ROBO2: variants seen among roughly 807,000 people sequenced by gnomAD.
The protein encoded by ROBO2 is roundabout homolog 2.
A neutral mutation model predicts 160.8 loss-of-function variants in ROBO2; 53 were observed. The observed-to-expected ratio is 0.33, with a 90% CI of 0.26 to 0.41. The LOEUF (loss-of-function observed/expected upper bound fraction) is 0.41, where lower values mean the gene tolerates loss of function less well. Ranked by LOEUF, ROBO2 falls within the 10% of genes least tolerant of loss-of-function variation. The pLI, the probability that ROBO2 is intolerant of heterozygous loss-of-function variation, is 1.00. For synonymous variants in ROBO2, 664 were observed against 611.7 expected (o/e 1.09, Z -1.26); for missense variants, 1,577 against 1,722.4 (o/e 0.92, Z 1.49).
chr3:76,661,211 C>T (rs2091803611), intron 2 of ROBO2, among the ~76,000 whole-genome samples: 1 of 152,086 alleles, frequency 6.6e-6, no homozygotes, highest in Non-Finnish European at 1.5e-5. Context: ...TTATGCAGTT[C>T]CTGGAAGTTC....
intron 2 of ROBO2, among the ~76,000 whole-genome samples, chr3:76,421,969 T>G (rs888760946): frequency 6.6e-5 from 10 of 152,124 alleles, no homozygotes; most frequent in Non-Finnish European, 1.2e-4. Context: ...AATTCTTGCT[T>G]CCTGACATGC....
At chr3:75,910,216 T>C (rs1338203014) in intron 1 of ROBO2, among the ~76,000 whole-genome samples, 1 of 152,154 alleles carries the variant, frequency 6.6e-6, no homozygotes, top group East Asian at 1.9e-4. Context: ...ACAGAATCAC[T>C]GCACCCTTGG....
chr3:76,297,452 G>A (rs1294057992), intron 2 of ROBO2, among the ~76,000 whole-genome samples: 1 of 152,104 alleles, frequency 6.6e-6, no homozygotes, highest in Admixed American at 6.6e-5. Flanking sequence ...AATGTTAATT[G>A]TTATCATGTA....
chr3:77,041,414 G>T (rs541288272), intron 1 of ROBO2, among the ~76,000 whole-genome samples: 1 of 152,200 alleles, frequency 6.6e-6, no homozygotes, highest in Non-Finnish European at 1.5e-5. Flanking sequence ...CTCCACGAAG[G>T]GGGAAGCATC....
chr3:77,277,172 C>CTTTCTTTCTT lies in ROBO2; in HGVS notation c.388+178834_388+178843dup, dbSNP rs1449582766. On this transcript the variant is annotated intron_variant, in intron 2 of 25. Transcript: ENST00000461745. Reference sequence around the variant, plus strand: ...TCCTTCTTTCCTTCTTTCTTTCTTTCTTTCTTTCTTTCTTTCTTTCTTTCT... The same window carrying CTTTCTTTCTT: ...TCCTTCTTTCCTTCTTTCTTTCTTTCTTTCTTTCTTTTTCTTTCTTTCTTTCTTTCTTTCT... Among the ~76,000 whole-genome samples the CTTTCTTTCTT allele has an allele frequency of 4.1e-5, 4 of 96,872 alleles. No homozygotes were observed. The East Asian group carries it at 9.8e-4, about 24-fold the overall frequency. The allele number at this position is 96,872 out of a possible 152,430, so 63.6% of individuals were successfully genotyped here.
chr3:76,765,430 G>C (rs940443089), intron 2 of ROBO2, among the ~76,000 whole-genome samples: 2 of 151,626 alleles, frequency 1.3e-5, no homozygotes, highest in African/African-American at 4.8e-5. Context: ...TACTCCTACT[G>C]TTGAGATGTG....
intron 2 of ROBO2, among the ~76,000 whole-genome samples, chr3:76,063,731 A>G (rs1159890597): frequency 1.3e-5 from 2 of 152,200 alleles, no homozygotes; most frequent in African/African-American, 4.8e-5. Flanking sequence ...AAGGTCACTC[A>G]GCAGACTTAT....
chr3:76,426,681 T>C (rs901433221), intron 2 of ROBO2, among the ~76,000 whole-genome samples: 2 of 152,096 alleles, frequency 1.3e-5, no homozygotes, highest in African/African-American at 2.4e-5. Flanking sequence ...TTTTTGTGCT[T>C]TTCTTTCTTT....
In ROBO2 at chr3:76,007,762, A is replaced by T. The variant is rs150799658; in HGVS notation, c.109+70160A>T. Among the ~76,000 whole-genome samples the T allele has an allele frequency of 8.6e-3, 1,313 of 152,338 alleles. 4 individuals carry two copies. The highest frequency in any genetic ancestry group is 0.015 in the Admixed American group (234 of 15,296). On this transcript the variant is annotated intron_variant, in intron 2 of 26. Coordinates refer to the ROBO2 transcript ENST00000487694. ...TAAAAGACATGGAGAAATTTATTTC[A>T]TAAGAAAAATCTGTTTAAAATGGAT...
intron 2 of ROBO2, among the ~76,000 whole-genome samples, chr3:76,910,561 G>A (rs4100766): frequency 0.46 from 70,049 of 150,860 alleles, 16,441 homozygotes; most frequent in Middle Eastern, 0.54. Context: ...CCCCGTCTCT[G>A]CTAAAAATAG....
At chr3:76,366,969 C>A (rs1214071955) in intron 2 of ROBO2, among the ~76,000 whole-genome samples, 2 of 151,806 alleles carry the variant, frequency 1.3e-5, no homozygotes, top group Non-Finnish European at 2.9e-5. Context: ...TAGCATTGCC[C>A]ATAATACTGT....
intron 2 of ROBO2, among the ~76,000 whole-genome samples, chr3:77,305,815 G>A (rs988253311): frequency 2.0e-5 from 3 of 152,108 alleles, no homozygotes; most frequent in African/African-American, 2.4e-5. Flanking sequence ...TTTATTCGAC[G>A]TTCTCCAGAT....
chr3:76,254,258 A>T (rs1263728545), intron 2 of ROBO2, among the ~76,000 whole-genome samples: 23 of 152,236 alleles, frequency 1.5e-4, no homozygotes, highest in Non-Finnish European at 5.9e-5. Flanking sequence ...CTATTAGTGT[A>T]TTATAAACTT....
At chr3:75,932,927 A>G (rs1475386271) in intron 1 of ROBO2, among the ~76,000 whole-genome samples, 2 of 152,162 alleles carry the variant, frequency 1.3e-5, no homozygotes, top group African/African-American at 2.4e-5. Context: ...TTTTAAATAC[A>G]TGCATGTGTT....
At chr3:77,240,338 C>G (rs921360873) in intron 2 of ROBO2, among the ~76,000 whole-genome samples, 4 of 152,176 alleles carry the variant, frequency 2.6e-5, no homozygotes, top group Admixed American at 6.5e-5. Context: ...AGGTGCTAAG[C>G]CCCTCACTGC....
chr3:77,206,296 A>G (rs573605695), intron 2 of ROBO2, among the ~76,000 whole-genome samples: 6 of 151,922 alleles, frequency 3.9e-5, no homozygotes, highest in African/African-American at 7.2e-5. Context: ...CAGCCTCCCA[A>G]CTAGTTGGGA....
intron 2 of ROBO2, among the ~76,000 whole-genome samples, chr3:76,527,136 C>T (rs1189091420): frequency 6.6e-6 from 1 of 151,690 alleles, no homozygotes; most frequent in African/African-American, 2.4e-5. Flanking sequence ...ATAAATTTCT[C>T]TTTTGTAATT....
chr3:76,717,505 A>G (rs1205118461), intron 2 of ROBO2, among the ~76,000 whole-genome samples: 2 of 151,226 alleles, frequency 1.3e-5, no homozygotes, highest in African/African-American at 4.9e-5. Flanking sequence ...AAAAAAAAAA[A>G]AGAAAAAAGA....
intron 2 of ROBO2, among the ~76,000 whole-genome samples, chr3:77,358,458 A>G (rs2069447245): frequency 1.3e-5 from 2 of 152,236 alleles, no homozygotes; most frequent in South Asian, 2.1e-4. Flanking sequence ...ATTCTGAGCT[A>G]CTGAGAATTA....
Sources: gnomAD v4.1 joint callset for allele counts (sites outside exome capture counted in the v4.1 genomes callset) on GRCh38, gnomAD v4.1.1 for gene constraint, MANE v1.5 for transcripts, NCBI Gene and HGNC (gene_info 2026-07-23, HGNC 2026-07-21) for gene names.